PDE3A: variants seen among roughly 807,000 people sequenced by gnomAD.
The protein encoded by PDE3A is phosphodiesterase 3A, also known as cGMP-inhibited 3',5'-cyclic phosphodiesterase 3A.
A neutral mutation model predicts 98.3 loss-of-function variants in PDE3A; 43 were observed. The ratio of observed to expected loss-of-function variants is 0.44; its 90% CI spans 0.34 to 0.56. PDE3A has a LOEUF of 0.56. Ranked by LOEUF, PDE3A falls within the 20% of genes least tolerant of loss-of-function variation. PDE3A has a pLI of 0.01. For missense variants in PDE3A, 1,427 were observed against 1,440.7 expected, an observed-to-expected ratio of 0.99 and a Z score of 0.15; for synonymous variants, 663 against 567.9, an observed-to-expected ratio of 1.17 and a Z score of -2.38.
intron 1 of PDE3A, among the ~76,000 whole-genome samples, chr12:20,480,935 G>A (rs12371065): frequency 0.29 from 43,903 of 152,146 alleles, 8,084 homozygotes; most frequent in East Asian, 0.66. Context: ...ACTTGCTAGC[G>A]TTAACCAGTG....
chr12:20,512,858 T>G (rs1336658626), intron 1 of PDE3A, among the ~76,000 whole-genome samples: 3 of 152,136 alleles, frequency 2.0e-5, no homozygotes, highest in Non-Finnish European at 4.4e-5. Context: ...TAAAGCATAT[T>G]ATTTATTATT....
intron 13 of PDE3A, 94 bp downstream of exon 13, chr12:20,648,985 G>A: frequency 3.9e-6 from 3 of 767,504 alleles, no homozygotes; most frequent in East Asian, 2.7e-5. Flanking sequence ...GAGTGCAGTG[G>A]CACGATCTTG....
intron 9 of PDE3A, among the ~76,000 whole-genome samples, chr12:20,637,991 A>G (rs139022183): frequency 6.6e-6 from 1 of 152,204 alleles, no homozygotes; most frequent in African/African-American, 2.4e-5. Flanking sequence ...CACATGTTTT[A>G]GGTGTATTCT....
chr12:20,413,343 T>TG (rs1434123594), intron 1 of PDE3A, among the ~76,000 whole-genome samples: 2 of 152,158 alleles, frequency 1.3e-5, no homozygotes, highest in African/African-American at 4.8e-5. Flanking sequence ...TTTTTGTTGT[T>TG]GCTGTTCTGT....
chr12:20,424,113 A>G (rs566343024), intron 1 of PDE3A, among the ~76,000 whole-genome samples: 14 of 151,896 alleles, frequency 9.2e-5, no homozygotes, highest in African/African-American at 3.1e-4. Flanking sequence ...TATTAAAAAA[A>G]TACATATTGC....
At chr12:20,487,925 C>T (rs1002523858) in intron 1 of PDE3A, among the ~76,000 whole-genome samples, 12 of 151,992 alleles carry the variant, frequency 7.9e-5, no homozygotes, top group African/African-American at 2.9e-4. Context: ...TAATACAGCT[C>T]ATATTGATAT....
chr12:20,612,929 C>G (rs1009489302), intron 2 of PDE3A, among the ~76,000 whole-genome samples: 2 of 151,730 alleles, frequency 1.3e-5, no homozygotes, highest in African/African-American at 4.8e-5. Flanking sequence ...AACTAGCACA[C>G]AAATGGAGTT....
intron 1 of PDE3A, among the ~76,000 whole-genome samples, chr12:20,538,759 C>A (rs1377009392): frequency 1.3e-5 from 2 of 152,096 alleles, no homozygotes; most frequent in Non-Finnish European, 2.9e-5. Flanking sequence ...ATCCTCCTGC[C>A]TCAGCCTCCC....
At chr12:20,412,962 T>C (rs574198325) in intron 1 of PDE3A, among the ~76,000 whole-genome samples, 2 of 152,320 alleles carry the variant, frequency 1.3e-5, no homozygotes, top group East Asian at 3.9e-4. Flanking sequence ...ACCACATATG[T>C]GGCAAGAAGC....
intron 1 of PDE3A, among the ~76,000 whole-genome samples, chr12:20,522,925 A>G (rs1946455389): frequency 6.6e-6 from 1 of 152,066 alleles, no homozygotes; most frequent in African/African-American, 2.4e-5. Flanking sequence ...TTCATGGGGA[A>G]GGTTGGCACT....
Position 20,676,649 on chromosome 12 carries a change from G to A in PDE3A, c.3185-3381G>A, listed in dbSNP as rs376061329. The stretch of plus-strand genomic sequence containing the variant: ...CGAGTAGCTGGGACTACAGGCACAC[G>A]CCACCATGCCTGGCTAATTTTTTGT... On this transcript the variant is annotated intron_variant, in intron 15 of 15. Transcript: ENST00000359062. Among the ~76,000 whole-genome samples the A allele has an allele frequency of 3.1e-4, 47 of 151,950 alleles. 1 individual carries two copies. In the East Asian group the frequency reaches 5.6e-3, roughly 18 times the overall value.
intron 10 of PDE3A, among the ~76,000 whole-genome samples, 178 bp from the exon 11 acceptor site, chr12:20,646,312 G>A (rs577763938): frequency 3.2e-4 from 49 of 152,208 alleles, no homozygotes; most frequent in Non-Finnish European, 6.9e-4. Context: ...TTCTTGTTAC[G>A]ATGGATGTTA....
intron 1 of PDE3A, among the ~76,000 whole-genome samples, chr12:20,477,047 G>T (rs369641990): frequency 7.4e-4 from 113 of 152,216 alleles, no homozygotes; most frequent in Middle Eastern, 3.4e-3. Flanking sequence ...TAGTATAGAT[G>T]GGTTAATCCT....
intron 1 of PDE3A, among the ~76,000 whole-genome samples, chr12:20,379,855 G>T (rs1443225335): frequency 6.6e-6 from 1 of 151,488 alleles, no homozygotes; most frequent in Non-Finnish European, 1.5e-5. Context: ...GCCCTTACTG[G>T]TAGGAAATCC....
rs765881384 is a variant in PDE3A, at chr12:20,517,877, C to A, written c.961-38783C>A. Among the ~76,000 whole-genome samples, 50 of 152,124 alleles carry A rather than the reference C, an allele frequency of 3.3e-4. 1 individual carries two copies. Among genetic ancestry groups the A allele is most frequent in the Non-Finnish European group, 6.8e-4 (46 of 68,026 alleles). On this transcript the variant is annotated intron_variant, in intron 1 of 15. Coordinates refer to ENST00000359062, the MANE Select transcript of PDE3A (RefSeq NM_000921.5). ...CTAGGTCCCAACCTTAGGATTATGACTTAATAAGCCTGGGATCCTGAATGT... is the reference window on the plus strand; with the variant it reads ...CTAGGTCCCAACCTTAGGATTATGAATTAATAAGCCTGGGATCCTGAATGT...
chr12:20,388,344 G>C (rs1312502380), intron 1 of PDE3A, among the ~76,000 whole-genome samples: 4 of 152,032 alleles, frequency 2.6e-5, no homozygotes, highest in South Asian at 2.1e-4. Flanking sequence ...TTTTAGATCG[G>C]CCTACAGACA....
chr12:20,657,711 C>T (rs932765968), intron 15 of PDE3A, among the ~76,000 whole-genome samples: 9 of 152,120 alleles, frequency 5.9e-5, no homozygotes, highest in East Asian at 1.9e-4. Context: ...CTCTAATCTA[C>T]GCAAATTTAT....
At chr12:20,518,242 T>C (rs764022296) in intron 1 of PDE3A, among the ~76,000 whole-genome samples, 1 of 152,198 alleles carries the variant, frequency 6.6e-6, no homozygotes, top group Non-Finnish European at 1.5e-5. Flanking sequence ...TCAAATGTAT[T>C]ACAGGCATAG....
At chr12:20,612,854 G>C (rs1943904751) in intron 2 of PDE3A, among the ~76,000 whole-genome samples, 1 of 151,624 alleles carries the variant, frequency 6.6e-6, no homozygotes, top group African/African-American at 2.4e-5. Context: ...TATGACAGAT[G>C]TGCCACAGAA....
Sources: allele counts gnomAD v4.1 joint callset (sites outside exome capture counted in the v4.1 genomes callset), GRCh38; gene constraint gnomAD v4.1.1; transcripts MANE v1.5; gene names NCBI Gene and HGNC (gene_info 2026-07-23, HGNC 2026-07-21).